SLC25A21: variants seen among roughly 807,000 people sequenced by gnomAD.
SLC25A21 encodes solute carrier family 25 member 21, also known as mitochondrial 2-oxodicarboxylate carrier.
In SLC25A21, 47 loss-of-function variants were observed where a neutral mutation model predicts 43.8. The observed-to-expected ratio is 1.07, with a 90% CI of 0.85 to 1.37. SLC25A21 has a LOEUF of 1.37. Ranked by LOEUF, SLC25A21 falls within the 40% of genes most tolerant of loss-of-function variation. The pLI, the probability that SLC25A21 is intolerant of heterozygous loss-of-function variation, is 0.00. For synonymous variants in SLC25A21, 131 were observed against 121.3 expected, an observed-to-expected ratio of 1.08 and a Z score of -0.52; for missense variants, 352 against 350.2, an observed-to-expected ratio of 1.00 and a Z score of -0.04.
intron 4 of SLC25A21, among the ~76,000 whole-genome samples, chr14:36,733,896 A>G (rs1884929420): frequency 6.6e-6 from 1 of 152,194 alleles, no homozygotes; most frequent in South Asian, 2.1e-4. Context: ...ATACTGAACT[A>G]GCAAGTAGTA....
At chr14:36,962,982 C>T (rs9322970) in intron 1 of SLC25A21, among the ~76,000 whole-genome samples, 127,265 of 152,216 alleles carry the variant, frequency 0.84, 53,338 homozygotes, top group African/African-American at 0.88. Flanking sequence ...GGGTTAGAAC[C>T]CTTTGTATGC....
At chr14:37,131,674 G>A (rs573140610) in intron 1 of SLC25A21, among the ~76,000 whole-genome samples, 1 of 152,224 alleles carries the variant, frequency 6.6e-6, no homozygotes, top group East Asian at 1.9e-4. Flanking sequence ...AATTGGCAAC[G>A]GTCTTTGTTT....
At chr14:37,168,817 G>A (rs1192493022) in intron 1 of SLC25A21, among the ~76,000 whole-genome samples, 1 of 152,100 alleles carries the variant, frequency 6.6e-6, no homozygotes, top group African/African-American at 2.4e-5. Context: ...TTCACAGTGT[G>A]GCACTCTGAC....
In SLC25A21 at chr14:36,739,603, G is replaced by A. The variant is rs532114815; in HGVS notation, c.204-5030C>T. On this transcript the variant is annotated intron_variant, in intron 3 of 9. Transcript: ENST00000331299. The stretch of plus-strand genomic sequence containing the variant: ...TGAAGCAGGAGAATTGCTTGAACCC[G>A]GGAGGTGGAGGTTGCAGTGAGCTGA... Among the ~76,000 whole-genome samples, 7 of 151,830 alleles carry A rather than the reference G, an allele frequency of 4.6e-5. No homozygotes were observed. In the South Asian group the frequency reaches 1.0e-3, roughly 23 times the overall value.
chr14:36,838,333 G>A (rs2138493479), intron 2 of SLC25A21, among the ~76,000 whole-genome samples: 1 of 152,342 alleles, frequency 6.6e-6, no homozygotes, highest in South Asian at 2.1e-4. Context: ...CTGTAGTACA[G>A]CACGACACCT....
intron 1 of SLC25A21, among the ~76,000 whole-genome samples, chr14:37,072,409 G>T (rs1284497528): frequency 5.3e-5 from 8 of 152,120 alleles, no homozygotes; most frequent in Non-Finnish European, 1.0e-4. Context: ...CTAAAGTAGG[G>T]GATGTGCAGG....
intron 1 of SLC25A21, among the ~76,000 whole-genome samples, chr14:37,170,173 C>T (rs1012309098): frequency 1.3e-5 from 2 of 151,714 alleles, no homozygotes; most frequent in African/African-American, 4.8e-5. Flanking sequence ...GTAGCTGGGA[C>T]TGTAGCCGGA....
At chr14:36,983,848 ATGGAGCTGGAGGGC>A (rs1960085722) in intron 1 of SLC25A21, among the ~76,000 whole-genome samples, 1 of 152,186 alleles carries the variant, frequency 6.6e-6, no homozygotes, top group African/African-American at 2.4e-5. Context: ...AGTAACATGG[ATGGAGCTGGAGGGC>A]ATTATCCTAT....
intron 1 of SLC25A21, among the ~76,000 whole-genome samples, chr14:37,065,892 G>A (rs1040812696): frequency 6.6e-6 from 1 of 152,170 alleles, no homozygotes; most frequent in African/African-American, 2.4e-5. Context: ...CTTTTGAATT[G>A]AGAAATAAAA....
At chr14:36,722,837 T>A (rs887347985) in intron 6 of SLC25A21, among the ~76,000 whole-genome samples, 1 of 152,186 alleles carries the variant, frequency 6.6e-6, no homozygotes, top group Non-Finnish European at 1.5e-5. Context: ...CTTGGATTAA[T>A]TTTTTTAAGT....
intron 1 of SLC25A21, among the ~76,000 whole-genome samples, chr14:37,160,537 T>C (rs966219345): frequency 6.6e-6 from 1 of 151,612 alleles, no homozygotes; most frequent in Non-Finnish European, 1.5e-5. Context: ...GGAAGTAGAG[T>C]AGAAAAATAG....
At chr14:36,732,102 G>C (rs1030197571) in intron 4 of SLC25A21, among the ~76,000 whole-genome samples, 2 of 152,140 alleles carry the variant, frequency 1.3e-5, no homozygotes, top group African/African-American at 2.4e-5. Context: ...TGGCCCTCCA[G>C]ATACTCTGAA....
chr14:36,757,032 T>C (rs1275452910), intron 3 of SLC25A21, among the ~76,000 whole-genome samples: 1 of 147,630 alleles, frequency 6.8e-6, no homozygotes, highest in East Asian at 2.0e-4. Context: ...GGTGGGCAGA[T>C]CACTTGAGCC....
At chr14:37,162,955 G>A (rs1301841817) in intron 1 of SLC25A21, among the ~76,000 whole-genome samples, 1 of 152,180 alleles carries the variant, frequency 6.6e-6, no homozygotes, top group African/African-American at 2.4e-5. Context: ...GGAATACTAT[G>A]CAGCCATAAG....
intron 6 of SLC25A21, among the ~76,000 whole-genome samples, chr14:36,716,551 A>G (rs1486860731): frequency 6.6e-6 from 1 of 152,190 alleles, no homozygotes; most frequent in Admixed American, 6.5e-5. Context: ...ATTTTAAAAT[A>G]CAAAAAATGT....
At chr14:37,043,944 T>TTTTTTTTG (rs1555343746) in intron 1 of SLC25A21, among the ~76,000 whole-genome samples, 19 of 150,364 alleles carry the variant, frequency 1.3e-4, no homozygotes, top group Non-Finnish European at 2.4e-4. Context: ...TTTTTTGTTT[T>TTTTTTTTG]TTTTTTTTTT....
chr14:36,800,676 T>C (rs527391392), intron 3 of SLC25A21, among the ~76,000 whole-genome samples: 1 of 152,238 alleles, frequency 6.6e-6, no homozygotes, highest in South Asian at 2.1e-4. Context: ...TTGCACGACA[T>C]TGACTTTACT....
At chr14:37,078,016 T>TTC (rs3061815) in intron 1 of SLC25A21, among the ~76,000 whole-genome samples, 12,599 of 152,106 alleles carry the variant, frequency 0.083, 784 homozygotes, top group South Asian at 0.25. Context: ...TTTCTTAAAA[T>TTC]TTGAGATTTA....
chr14:37,086,254 C>T lies in SLC25A21; in HGVS notation c.70+86027G>A, dbSNP rs148384445. On this transcript the variant is annotated intron_variant, in intron 1 of 9. Transcript: ENST00000331299. Reference sequence around the variant, plus strand: ...TCTGTTATAATATGGTTCAATATTACAACTGTTTGGCTAGGCCACAGGTCA... The same window carrying T: ...TCTGTTATAATATGGTTCAATATTATAACTGTTTGGCTAGGCCACAGGTCA... Among the ~76,000 whole-genome samples, 44 of 152,032 alleles carry T rather than the reference C, an allele frequency of 2.9e-4. 1 individual carries two copies. The highest frequency in any genetic ancestry group is 1.0e-3 in the African/African-American group (43 of 41,468).
Sources: gnomAD v4.1 joint callset for allele counts (sites outside exome capture counted in the v4.1 genomes callset) on GRCh38, gnomAD v4.1.1 for gene constraint, MANE v1.5 for transcripts, NCBI Gene and HGNC (gene_info 2026-07-23, HGNC 2026-07-21) for gene names.